Variants in MARCHF1 observed in about 807,000 individuals in gnomAD.
The protein encoded by MARCHF1 is membrane associated ring-CH-type finger 1.
A neutral mutation model predicts 54.2 loss-of-function variants in MARCHF1; 40 were observed. The ratio of observed to expected loss-of-function variants is 0.74; its 90% CI spans 0.57 to 0.96. MARCHF1 has a LOEUF of 0.96. MARCHF1 is among the 40% of genes least tolerant of loss of function. MARCHF1 has a pLI of 0.00. For synonymous variants in MARCHF1, 236 were observed against 236.3 expected, an observed-to-expected ratio of 1.00 and a Z score of 0.01; for missense variants, 586 against 656.5, an observed-to-expected ratio of 0.89 and a Z score of 1.17.
intron 4 of MARCHF1, among the ~76,000 whole-genome samples, chr4:163,752,472 G>C (rs532758721): frequency 6.6e-6 from 1 of 152,270 alleles, no homozygotes; most frequent in South Asian, 2.1e-4. Flanking sequence ...TCACTGTTTA[G>C]TAGTTGTGTG....
intron 4 of MARCHF1, among the ~76,000 whole-genome samples, chr4:163,832,077 G>A (rs1749040917): frequency 6.6e-6 from 1 of 152,148 alleles, no homozygotes; most frequent in Admixed American, 6.5e-5. Flanking sequence ...AAGCTATTAC[G>A]ATGAAGGCAT....
At chr4:163,701,907 T>C (rs1482505586) in intron 4 of MARCHF1, among the ~76,000 whole-genome samples, 3 of 152,144 alleles carry the variant, frequency 2.0e-5, no homozygotes, top group African/African-American at 7.2e-5. Context: ...CATCTTGACA[T>C]AGGTCATTTT....
intron 4 of MARCHF1, among the ~76,000 whole-genome samples, chr4:163,836,395 G>A (rs866266708): frequency 4.0e-5 from 6 of 149,094 alleles, no homozygotes; most frequent in Non-Finnish European, 7.4e-5. Context: ...ACAGGCACCC[G>A]CCACCACGCC....
chr4:163,982,259 A>G (rs531107933), intron 3 of MARCHF1, among the ~76,000 whole-genome samples: 2 of 152,222 alleles, frequency 1.3e-5, no homozygotes, highest in Non-Finnish European at 2.9e-5. Flanking sequence ...TTTTCTGAAG[A>G]AATGAAAAAG....
At chr4:163,581,253 A>C (rs1378042199) in intron 8 of MARCHF1, among the ~76,000 whole-genome samples, 1 of 152,210 alleles carries the variant, frequency 6.6e-6, no homozygotes, top group Non-Finnish European at 1.5e-5. Flanking sequence ...TCTCCTCTGC[A>C]AAAGGGTCTT....
intron 3 of MARCHF1, among the ~76,000 whole-genome samples, chr4:163,938,426 C>A (rs1751845993): frequency 6.6e-6 from 1 of 152,152 alleles, no homozygotes; most frequent in African/African-American, 2.4e-5. Flanking sequence ...GTACTGATCT[C>A]TGCTCTTAAA....
At chr4:163,589,417 C>T (rs555885676) in intron 7 of MARCHF1, among the ~76,000 whole-genome samples, 17 of 152,150 alleles carry the variant, frequency 1.1e-4, no homozygotes, top group African/African-American at 4.1e-4. Flanking sequence ...ATTTTTCATT[C>T]CCATTTCACA....
intron 7 of MARCHF1, among the ~76,000 whole-genome samples, chr4:163,606,265 T>C (rs1741137891): frequency 6.6e-6 from 1 of 152,072 alleles, no homozygotes; most frequent in South Asian, 2.1e-4. Flanking sequence ...TTCCCATTAT[T>C]GTCTCCATGT....
chr4:164,260,918 G>A (rs1733442872), intron 1 of MARCHF1, among the ~76,000 whole-genome samples: 1 of 152,142 alleles, frequency 6.6e-6, no homozygotes, highest in South Asian at 2.1e-4. Flanking sequence ...GATGACATAG[G>A]CTGAGTGTTT....
At chr4:163,991,338 AC>A (rs1342572331) in intron 2 of MARCHF1, among the ~76,000 whole-genome samples, 1 of 152,174 alleles carries the variant, frequency 6.6e-6, no homozygotes, top group Non-Finnish European at 1.5e-5. Context: ...TGCTTTTAAT[AC>A]TTTGTACATT....
chr4:163,661,194 T>C (rs1561004271), intron 5 of MARCHF1, among the ~76,000 whole-genome samples: 1 of 152,060 alleles, frequency 6.6e-6, no homozygotes, highest in Non-Finnish European at 1.5e-5. Flanking sequence ...AGTCACCTGC[T>C]ATGCTAACTT....
chr4:163,936,619 C>A (rs1025925358), intron 3 of MARCHF1, among the ~76,000 whole-genome samples: 26 of 152,138 alleles, frequency 1.7e-4, no homozygotes. Context: ...GGACTGAGGC[C>A]TCTGGGAGCA....
intron 1 of MARCHF1, among the ~76,000 whole-genome samples, chr4:164,185,386 T>G (rs1730940240): frequency 6.6e-6 from 1 of 152,196 alleles, no homozygotes; most frequent in South Asian, 2.1e-4. Flanking sequence ...TCCAATAACT[T>G]CATTTGGAAA....
chr4:163,720,179 T>C (rs954347547), intron 4 of MARCHF1, among the ~76,000 whole-genome samples: 2 of 152,236 alleles, frequency 1.3e-5, no homozygotes, highest in African/African-American at 2.4e-5. Flanking sequence ...TTTAAGTCTT[T>C]AATCCATCTT....
rs78504895 is a variant in MARCHF1 at position 163,977,490 on chromosome 4, C to T, written c.-39+11011G>A. Among the ~76,000 whole-genome samples, 572 of 152,194 alleles carry T rather than the reference C, an allele frequency of 3.8e-3. 2 individuals are homozygous for T. Among genetic ancestry groups the T allele is most frequent in the Admixed American group, 0.011 (164 of 15,262 alleles). On this transcript the variant is annotated intron_variant, in intron 3 of 9. Transcript: ENST00000514618. ...CCCCTCAATGATAATATTTTGTTAT[C>T]CTAATTCAAATTCAGTTAAGAGGCT...
chr4:164,103,806 A>G (rs1050835530), intron 2 of MARCHF1, among the ~76,000 whole-genome samples: 2 of 122,306 alleles, frequency 1.6e-5, no homozygotes, highest in East Asian at 2.2e-4. Flanking sequence ...AAAACCCTTC[A>G]AAAAATTAAT....
intron 1 of MARCHF1, among the ~76,000 whole-genome samples, chr4:164,303,766 C>T (rs533971067): frequency 6.6e-6 from 1 of 151,998 alleles, no homozygotes; most frequent in Non-Finnish European, 1.5e-5. Context: ...CACATACACA[C>T]ATGCGTGCAC....
intron 2 of MARCHF1, among the ~76,000 whole-genome samples, chr4:164,033,825 G>T (rs180960654): frequency 1.7e-4 from 26 of 152,232 alleles, no homozygotes; most frequent in African/African-American, 5.8e-4. Flanking sequence ...CATTGTTGGC[G>T]GGAATGTAAG....
intron 1 of MARCHF1, among the ~76,000 whole-genome samples, chr4:164,275,077 A>AT (rs1733844339): frequency 6.6e-6 from 1 of 151,490 alleles, no homozygotes; most frequent in African/African-American, 2.4e-5. Flanking sequence ...AATTCCTTTA[A>AT]TAAAAATATA....
Sources: allele counts gnomAD v4.1 joint callset (sites outside exome capture counted in the v4.1 genomes callset), GRCh38; gene constraint gnomAD v4.1.1; transcripts MANE v1.5; gene names NCBI Gene and HGNC (gene_info 2026-07-23, HGNC 2026-07-21).